The following FKBP5 variants were observed in gnomAD, a reference collection of about 807,000 sequenced individuals.
FKBP5 encodes peptidyl-prolyl cis-trans isomerase FKBP5.
FKBP5 carries 23 observed loss-of-function variants against 50.5 expected under a neutral mutation model. The ratio of observed to expected loss-of-function variants is 0.46; its 90% confidence interval spans 0.33 to 0.65. The LOEUF (loss-of-function observed/expected upper bound fraction) is 0.65. Ranked by LOEUF, FKBP5 falls within the 30% of genes least tolerant of loss-of-function variation. The probability of loss-of-function intolerance (pLI) is 0.02; values close to 1 mark genes in which losing one functional copy is unlikely to be tolerated. For missense variants in FKBP5, 411 were observed against 553.1 expected (o/e 0.74, Z 2.58); for synonymous variants, 176 against 190.6 (o/e 0.92, Z 0.63).
intron 1 of FKBP5, among the ~76,000 whole-genome samples, chr6:35,650,352 T>C (rs1764764457): frequency 6.6e-6 from 1 of 151,706 alleles, no homozygotes; most frequent in African/African-American, 2.4e-5. Context: ...ATGAAGTGTA[T>C]TGTTAATGGT....
rs202212927 is a variant in FKBP5, at chr6:35,575,924, T to A, written c.1285A>T (p.Met429Leu). ...ACCCCTTCTGAAGTCTTCTTGCCCA[T>A]TGCTTTATTGGCCTCTTCCTAAGGA... The part of the protein sequence containing the change: ...QDAKEEANKA[M>L]GKKTSEGVTN... The change falls in exon 11 of 11, where the codon ATG becomes TTG. Residue 429 changes from methionine to leucine, a missense_variant. By Grantham distance (15) the Met-to-Leu change is conservative. Coordinates refer to ENST00000357266, the MANE Select transcript of FKBP5 (RefSeq NM_004117.4). 6.2e-7 allele frequency: 1 copy of A among 1,611,730 alleles called. No homozygotes were observed. The highest frequency in any genetic ancestry group is 8.5e-7 in the Non-Finnish European group (1 of 1,177,830).
intron 1 of FKBP5, among the ~76,000 whole-genome samples, chr6:35,684,855 T>C (rs1581882890): frequency 6.6e-6 from 1 of 152,082 alleles, no homozygotes; most frequent in East Asian, 1.9e-4. Context: ...AGTGAGACCT[T>C]ATCTCTACTA....
At chr6:35,624,328 A>G (rs1763931385) in intron 3 of FKBP5, among the ~76,000 whole-genome samples, 3 of 152,088 alleles carry the variant, frequency 2.0e-5, no homozygotes, top group Admixed American at 2.0e-4. Flanking sequence ...AAGTGAGACA[A>G]AACAAAAATA....
chr6:35,627,536 G>A (rs1306293477), intron 3 of FKBP5, among the ~76,000 whole-genome samples: 1 of 152,098 alleles, frequency 6.6e-6, no homozygotes, highest in Non-Finnish European at 1.5e-5. Flanking sequence ...TCAGATATAA[G>A]ATTTGCAAAC....
chr6:35,636,823 G>A (rs554642010), intron 3 of FKBP5, among the ~76,000 whole-genome samples, 191 bp downstream of exon 3: 3 of 152,234 alleles, frequency 2.0e-5, no homozygotes, highest in African/African-American at 4.8e-5. Flanking sequence ...TCTTAGTATT[G>A]TTATGAAAAT....
intron 6 of FKBP5, among the ~76,000 whole-genome samples, chr6:35,592,465 A>AGACATAAAAAAG (rs368883422): frequency 0.012 from 1,756 of 152,328 alleles, 31 homozygotes; most frequent in African/African-American, 0.037. Flanking sequence ...TCTTCCACAA[A>AGACATAAAAAAG]GACATAATTA....
chr6:35,620,056 T>A (rs1046558602), intron 4 of FKBP5, 76 bp downstream of exon 4: 254 of 1,559,148 alleles, frequency 1.6e-4, no homozygotes, highest in Non-Finnish European at 2.2e-4. Flanking sequence ...TAGCTCCTTT[T>A]CCCACTGCCT....
Position 35,708,251 on chromosome 6 carries a change from G to A in FKBP5, c.-20+12077C>T, listed in dbSNP as rs1419750425. Among the ~76,000 whole-genome samples the A allele has an allele frequency of 2.0e-5, 3 of 152,130 alleles. No individual in the cohort carries two copies. The South Asian group carries it at 6.2e-4, about 32-fold the overall frequency. ...TGGTTAAATAAATAATGGTACATTCGTACAATGGAATTCTTTTTCTTGGGA... is the reference window on the plus strand; with the variant it reads ...TGGTTAAATAAATAATGGTACATTCATACAATGGAATTCTTTTTCTTGGGA... On this transcript the variant is annotated intron_variant, in intron 2 of 11. Transcript: ENST00000536438.
intron 5 of FKBP5, among the ~76,000 whole-genome samples, chr6:35,614,494 C>CTGCTTCCCAAAACAACAG (rs1763584119): frequency 3.9e-5 from 6 of 151,904 alleles, no homozygotes; most frequent in African/African-American, 1.5e-4. Context: ...TAATTTGTTA[C>CTGCTTCCCAAAACAACAG]AATTGAGTAA....
chr6:35,588,741 C>T (rs1311028637), intron 7 of FKBP5, among the ~76,000 whole-genome samples: 1 of 151,336 alleles, frequency 6.6e-6, no homozygotes, highest in Admixed American at 6.6e-5. Flanking sequence ...GTTGGGACCA[C>T]AAGCATGTGC....
intron 1 of FKBP5, among the ~76,000 whole-genome samples, chr6:35,643,649 C>A (rs1764553127): frequency 6.6e-6 from 1 of 152,172 alleles, no homozygotes; most frequent in Non-Finnish European, 1.5e-5. Flanking sequence ...CTACAACAAA[C>A]CCAGTGCTTT....
chr6:35,640,169 G>T lies in FKBP5; in HGVS notation c.105+2551C>A, dbSNP rs376945898. Among the ~76,000 whole-genome samples the T allele has an allele frequency of 5.3e-5, 8 of 152,332 alleles. No individual in the cohort carries two copies. In the East Asian group the frequency reaches 7.7e-4, roughly 15 times the overall value. On this transcript the variant is annotated intron_variant, in intron 2 of 10. Transcript: ENST00000357266. Reference sequence around the variant, plus strand: ...TGTTCTGAGAAATGTGTTCTTAGATGATTTCATCCTTATGTGAACATCGCA... The same window carrying T: ...TGTTCTGAGAAATGTGTTCTTAGATTATTTCATCCTTATGTGAACATCGCA...
intron 7 of FKBP5, among the ~76,000 whole-genome samples, 186 bp downstream of exon 7, chr6:35,590,944 C>T (rs1334459645): frequency 1.3e-5 from 2 of 150,964 alleles, no homozygotes; most frequent in African/African-American, 4.9e-5. Flanking sequence ...GGAGCTCCTT[C>T]GTTGTATATC....
At chr6:35,710,276 C>T (rs187009689) in intron 2 of FKBP5, among the ~76,000 whole-genome samples, 5 of 152,070 alleles carry the variant, frequency 3.3e-5, no homozygotes, top group Admixed American at 6.6e-5. Flanking sequence ...CCCAGGAGTT[C>T]GAGACCAGCC....
intron 8 of FKBP5, chr6:35,582,787 A>C: frequency 1.0e-6 from 1 of 985,188 alleles, no homozygotes; most frequent in South Asian, 4.7e-5. Flanking sequence ...TCTTTCTGTC[A>C]CTGCCTTTTC....
At chr6:35,675,153 C>A (rs902524566) in intron 1 of FKBP5, among the ~76,000 whole-genome samples, 2 of 152,238 alleles carry the variant, frequency 1.3e-5, no homozygotes, top group African/African-American at 2.4e-5. Context: ...GTCCCTCTCG[C>A]ATGTTATAGT....
At chr6:35,585,451 G>A in intron 8 of FKBP5, 1 of 985,086 alleles carries the variant, frequency 1.0e-6, no homozygotes, top group Non-Finnish European at 1.2e-6. Flanking sequence ...AATTCAGGCT[G>A]GAAAGAAACT....
chr6:35,650,949 C>T (rs1323425512), intron 1 of FKBP5, among the ~76,000 whole-genome samples: 1 of 152,102 alleles, frequency 6.6e-6, no homozygotes, highest in Non-Finnish European at 1.5e-5. Context: ...TTTAAGACAG[C>T]TAATCTCTGA....
chr6:35,609,900 A>G (rs1763437360), intron 5 of FKBP5, among the ~76,000 whole-genome samples: 2 of 152,258 alleles, frequency 1.3e-5, no homozygotes, highest in South Asian at 4.1e-4. Flanking sequence ...TGAAGACAAT[A>G]ATTAGTATTT....
Sources: allele counts gnomAD v4.1 joint callset (sites outside exome capture counted in the v4.1 genomes callset), GRCh38; gene constraint gnomAD v4.1.1; transcripts MANE v1.5; gene names NCBI Gene and HGNC (gene_info 2026-07-23, HGNC 2026-07-21).